Variants in SHROOM2 observed in about 807,000 individuals in gnomAD.
SHROOM2 encodes protein Shroom2.
In SHROOM2, 33 loss-of-function variants were observed where a neutral mutation model predicts 75.9. The observed-to-expected ratio is 0.43, with a 90% confidence interval of 0.33 to 0.58. The LOEUF (loss-of-function observed/expected upper bound fraction) is 0.58. Ranked by LOEUF, SHROOM2 falls within the 20% of genes least tolerant of loss-of-function variation. The probability of loss-of-function intolerance (pLI) is 0.04; values close to 1 mark genes in which losing one functional copy is unlikely to be tolerated. For synonymous variants in SHROOM2, 655 were observed against 663.6 expected (o/e 0.99, Z 0.20); for missense variants, 1,434 against 1,461.2 (o/e 0.98, Z 0.30).
At chrX:9,878,580 C>G (rs992538799) in intron 2 of SHROOM2, among the ~76,000 whole-genome samples, 1 of 112,238 alleles carries the variant, frequency 8.9e-6, no homozygotes, top group Non-Finnish European at 1.9e-5. Context: ...TTGTGCTGTG[C>G]CCCCCTCTGC....
At position 9,864,705 on chromosome X, in the gene SHROOM2, G is replaced by T. The variant is rs952217386; in HGVS notation, c.166-8947G>T. 8.4e-5 allele frequency among the ~76,000 whole-genome samples: 9 copies of T among 107,739 alleles called. No individual in the cohort carries two copies. In the East Asian group the frequency reaches 2.6e-3, roughly 31 times the overall value. The allele number at this position is 107,739 out of a possible 115,157, so 93.6% of individuals were successfully genotyped here. On this transcript the variant is annotated intron_variant, in intron 1 of 9. Transcript: ENST00000380913. ...CCGGGCGTAGTGGCGGGCGCCTGTA[G>T]TCCCAGCTACTTGGGAGGCTGAGGC... is the stretch of plus-strand genomic sequence containing the variant.
intron 1 of SHROOM2, among the ~76,000 whole-genome samples, chrX:9,791,805 C>T (rs1391649454): frequency 9.1e-6 from 1 of 109,824 alleles, no homozygotes; most frequent in Non-Finnish European, 1.9e-5. Context: ...CCAGCCTGAC[C>T]AACATGGAGA....
At chrX:9,906,985 G>C (rs1049284343) in intron 5 of SHROOM2, among the ~76,000 whole-genome samples, 2 of 110,979 alleles carry the variant, frequency 1.8e-5, no homozygotes, top group African/African-American at 6.5e-5. Context: ...CCTCCCTGCA[G>C]GCCTGCTAAG....
intron 6 of SHROOM2, among the ~76,000 whole-genome samples, chrX:9,936,239 G>A (rs1174571799): frequency 9.1e-6 from 1 of 110,039 alleles, no homozygotes; most frequent in Non-Finnish European, 1.9e-5. Context: ...AGCTTCCCGA[G>A]TAGGTGGGAT....
At chrX:9,837,806 G>A (rs939143383) in intron 1 of SHROOM2, among the ~76,000 whole-genome samples, 1 of 111,332 alleles carries the variant, frequency 9.0e-6, no homozygotes, top group Non-Finnish European at 1.9e-5. Flanking sequence ...GTGTTTGTGT[G>A]CCTGGCCAAT....
rs774979516 is a variant in SHROOM2 at position 9,891,124 on chromosome X, C to T, written c.449+16C>T. The T allele has an allele frequency of 9.2e-6, 11 of 1,196,038 alleles. No individual in the cohort carries two copies. In the Admixed American group the frequency reaches 1.8e-4, roughly 20 times the overall value. ...ACCACGCGAGGTAGGCACCCATTCCCGTCCAGGATGCCAGGTTTGTTCAGC... is the reference window on the plus strand; with the variant it reads ...ACCACGCGAGGTAGGCACCCATTCCTGTCCAGGATGCCAGGTTTGTTCAGC... On this transcript the variant is annotated intron_variant, in intron 3 of 9. Transcript: ENST00000380913.
intron 1 of SHROOM2, among the ~76,000 whole-genome samples, chrX:9,805,919 A>C (rs1195252644): frequency 2.8e-5 from 3 of 107,100 alleles, no homozygotes; most frequent in African/African-American, 6.9e-5. Flanking sequence ...AAAAAAAAAA[A>C]CAAAAACAAG....
intron 2 of SHROOM2, among the ~76,000 whole-genome samples, chrX:9,879,730 T>G (rs987565240): frequency 2.7e-5 from 3 of 111,520 alleles, no homozygotes; most frequent in Admixed American, 1.9e-4. Flanking sequence ...TCTAATATAG[T>G]AAGACTTACA....
intron 1 of SHROOM2, among the ~76,000 whole-genome samples, chrX:9,795,066 A>G (rs2083687424): frequency 9.2e-6 from 1 of 108,459 alleles, no homozygotes; most frequent in African/African-American, 3.3e-5. Context: ...GATCTTTTGT[A>G]CTAGGTCTAC....
chrX:9,795,161 G>A (rs745974919), intron 1 of SHROOM2, among the ~76,000 whole-genome samples: 1 of 106,796 alleles, frequency 9.4e-6, no homozygotes, highest in Admixed American at 1.0e-4. Flanking sequence ...TGCTCTGGCT[G>A]GAGAGCCGTG....
intron 1 of SHROOM2, among the ~76,000 whole-genome samples, chrX:9,849,961 C>T (rs1213439657): frequency 8.9e-6 from 1 of 112,377 alleles, no homozygotes; most frequent in African/African-American, 3.2e-5. Context: ...GCAGGTACCT[C>T]TCAGATACTG....
At chrX:9,936,104 T>C (rs772095814) in intron 6 of SHROOM2, among the ~76,000 whole-genome samples, 2 of 110,171 alleles carry the variant, frequency 1.8e-5, no homozygotes, top group African/African-American at 6.7e-5. Context: ...CAGAAACTTT[T>C]CTTTTTTTTT....
At chrX:9,796,925 G>A (rs2083697956) in intron 1 of SHROOM2, among the ~76,000 whole-genome samples, 1 of 112,102 alleles carries the variant, frequency 8.9e-6, no homozygotes, top group Admixed American at 9.5e-5. Flanking sequence ...GATTACTGAT[G>A]TGAGCCACTG....
intron 1 of SHROOM2, among the ~76,000 whole-genome samples, chrX:9,816,528 G>A (rs752450342): frequency 8.9e-6 from 1 of 111,879 alleles, no homozygotes; most frequent in Admixed American, 9.4e-5. Flanking sequence ...CCTGGTCACC[G>A]GCATCCTTGT....
rs192057067 is a variant in SHROOM2, at chrX:9,888,525, C to A, written c.318-2452C>A. 3.9e-3 allele frequency among the ~76,000 whole-genome samples: 440 copies of A among 111,531 alleles called. 3 individuals carry two copies. The highest frequency in any genetic ancestry group is 0.013 in the African/African-American group (413 of 30,706). ...GTAGCGCAAACACGGCTCACTACAG[C>A]CTCAACCTCCTGGGCTCAAATCATC... On this transcript the variant is annotated intron_variant, in intron 2 of 9. Transcript: ENST00000380913.
chrX:9,852,778 A>G (rs952444407), intron 1 of SHROOM2, among the ~76,000 whole-genome samples: 3 of 112,542 alleles, frequency 2.7e-5, no homozygotes, highest in African/African-American at 9.7e-5. Context: ...GATCTTTAGG[A>G]TTGAACTGAT....
Position 9,933,708 on chromosome X carries a change from C to T in SHROOM2, c.3587+838C>T, listed in dbSNP as rs556068525. Among the ~76,000 whole-genome samples the T allele has an allele frequency of 2.0e-4, 22 of 112,005 alleles. 1 individual carries two copies. The South Asian group carries it at 7.7e-3, about 39-fold the overall frequency. On this transcript the variant is annotated intron_variant, in intron 6 of 9. Coordinates refer to ENST00000380913, the MANE Select transcript of SHROOM2 (RefSeq NM_001649.4). ...GGGAGGATCACCTGAGCCTGGAGGT[C>T]GAGGCTGCAGTAAGCCAGGATGGCA... is the stretch of plus-strand genomic sequence containing the variant.
At chrX:9,791,081 T>C (rs2083645356) in intron 1 of SHROOM2, among the ~76,000 whole-genome samples, 1 of 110,901 alleles carries the variant, frequency 9.0e-6, no homozygotes, top group Non-Finnish European at 1.9e-5. Flanking sequence ...CAGGATGCGT[T>C]CGGTCTTCAT....
chrX:9,915,752 T>C (rs1042414778), intron 5 of SHROOM2, among the ~76,000 whole-genome samples: 7 of 112,448 alleles, frequency 6.2e-5, no homozygotes, highest in African/African-American at 1.9e-4. Context: ...ATAAAGTTAA[T>C]GTCATGTACA....
Sources: allele counts gnomAD v4.1 joint callset (sites outside exome capture counted in the v4.1 genomes callset), GRCh38; gene constraint gnomAD v4.1.1; transcripts MANE v1.5; gene names NCBI Gene and HGNC (gene_info 2026-07-23, HGNC 2026-07-21).